Variants in ADAM32 observed in about 807,000 individuals in gnomAD.
ADAM32 encodes disintegrin and metalloproteinase domain-containing protein 32.
In ADAM32, 89 loss-of-function variants were observed where a neutral mutation model predicts 114.9. The ratio of observed to expected loss-of-function variants is 0.77; its 90% CI spans 0.65 to 0.92. The LOEUF (loss-of-function observed/expected upper bound fraction) is 0.92. Ranked by LOEUF, ADAM32 falls within the 40% of genes least tolerant of loss-of-function variation. The pLI is 0.00. For missense variants in ADAM32, 870 were observed against 932.8 expected, an observed-to-expected ratio of 0.93 and a Z score of 0.88; for synonymous variants, 285 against 307.5, an observed-to-expected ratio of 0.93 and a Z score of 0.77.
chr8:39,182,573 A>T (rs1805973010), intron 10 of ADAM32, among the ~76,000 whole-genome samples: 1 of 152,212 alleles, frequency 6.6e-6, no homozygotes, highest in African/African-American at 2.4e-5. Flanking sequence ...AATACAATTT[A>T]TCATCATTAA....
At chr8:39,185,596 G>T (rs1023918844) in intron 10 of ADAM32, among the ~76,000 whole-genome samples, 3 of 152,104 alleles carry the variant, frequency 2.0e-5, no homozygotes, top group African/African-American at 7.2e-5. Context: ...TGACCTTACT[G>T]ACAGTAGGCT....
At position 39,136,579 on chromosome 8, in the gene ADAM32, A is replaced by G. The variant is rs975958197; in HGVS notation, c.139-78A>G. On this transcript the variant is annotated intron_variant, in intron 2 of 24. Coordinates refer to ENST00000379907, the MANE Select transcript of ADAM32 (RefSeq NM_145004.7). ...AAGATGTTTTAAGCATTGTTTGGACAGATTAATTGATATAAAACTGTTGTT... is the reference window on the plus strand; with the variant it reads ...AAGATGTTTTAAGCATTGTTTGGACGGATTAATTGATATAAAACTGTTGTT... 4.6e-6 allele frequency: 4 copies of G among 872,638 alleles called. No homozygotes were observed. In the South Asian group the frequency reaches 5.2e-5, roughly 11 times the overall value. The allele number at this position is 872,638 out of a possible 1,614,324, so 54.1% of individuals were successfully genotyped here.
intron 3 of ADAM32, among the ~76,000 whole-genome samples, chr8:39,144,629 G>A (rs950857579): frequency 2.1e-5 from 3 of 145,468 alleles, no homozygotes; most frequent in Admixed American, 7.0e-5. Context: ...TAAACTCTCT[G>A]CAAATTAGGC....
chr8:39,190,931 A>G (rs1225870565), intron 11 of ADAM32, among the ~76,000 whole-genome samples: 1 of 152,028 alleles, frequency 6.6e-6, no homozygotes, highest in Non-Finnish European at 1.5e-5. Context: ...TCCACCCTCA[A>G]GTAGGACCCA....
intron 10 of ADAM32, among the ~76,000 whole-genome samples, chr8:39,170,980 C>T (rs1805149474): frequency 6.6e-6 from 1 of 152,032 alleles, no homozygotes; most frequent in African/African-American, 2.4e-5. Context: ...TTATGCCAGG[C>T]TGGAGTGCAG....
chr8:39,126,744 G>T (rs956513096), intron 2 of ADAM32, among the ~76,000 whole-genome samples: 3 of 152,118 alleles, frequency 2.0e-5, no homozygotes, highest in African/African-American at 7.2e-5. Context: ...CTTGTCTTGT[G>T]TCAGTTTGCA....
At chr8:39,109,804 C>A (rs1840080470) in intron 1 of ADAM32, among the ~76,000 whole-genome samples, 1 of 152,110 alleles carries the variant, frequency 6.6e-6, no homozygotes, top group Non-Finnish European at 1.5e-5. Context: ...ATGGTTTTGA[C>A]AAATGTACAA....
chr8:39,265,221 T>C (rs1329822649), intron 19 of ADAM32, among the ~76,000 whole-genome samples: 1 of 152,238 alleles, frequency 6.6e-6, no homozygotes, highest in Non-Finnish European at 1.5e-5. Context: ...TAAGTCTTCT[T>C]GTTGAATTGA....
At chr8:39,151,891 A>AGGTTCAAATGATCCACCC (rs1803859293) in intron 6 of ADAM32, among the ~76,000 whole-genome samples, 1 of 151,732 alleles carries the variant, frequency 6.6e-6, no homozygotes, top group Non-Finnish European at 1.5e-5. Flanking sequence ...TCAAACTCCT[A>AGGTTCAAATGATCCACCC]GGTTCAAATG....
At chr8:39,215,079 C>A (rs186884460) in intron 12 of ADAM32, among the ~76,000 whole-genome samples, 41 of 151,864 alleles carry the variant, frequency 2.7e-4, no homozygotes, top group Admixed American at 2.4e-3. Context: ...GATTAGTATA[C>A]CTCTGTAGTA....
intron 3 of ADAM32, among the ~76,000 whole-genome samples, chr8:39,137,848 C>T (rs1382385741): frequency 1.3e-5 from 2 of 150,730 alleles, no homozygotes; most frequent in Non-Finnish European, 2.9e-5. Flanking sequence ...AAAAGGTTAA[C>T]TTACTCTTTT....
rs1404628874 is a variant in ADAM32 at position 39,281,156 on chromosome 8, C to A, written c.2300C>A (p.Ala767Asp). Residue 767 changes from alanine to aspartate, a missense_variant, in exon 23 of 25, where the codon GCT becomes GAT. Transcript: ENST00000379907. ...TTTAGATCCAAATCAGAAGATAGTG[C>A]TGAAGCATATACTAGCAGGTAAGCA... ...DTSKSKSEDS[A>D]EAYTSRSKSQ... The A allele has an allele frequency of 1.5e-6, 2 of 1,369,216 alleles. No individual in the cohort carries two copies. Among genetic ancestry groups the A allele is most frequent in the Admixed American group, 2.6e-5 (1 of 37,990 alleles). The allele number at this position is 1,369,216 out of a possible 1,614,324, so 84.8% of individuals were successfully genotyped here. A position where few individuals can be genotyped will look rare whatever the true frequency, so the allele number is the denominator to read the frequency against.
chr8:39,223,918 A>G (rs1203610880), intron 14 of ADAM32: 1 of 152,084 alleles, frequency 6.6e-6, no homozygotes, highest in African/African-American at 2.4e-5. Flanking sequence ...TATCTAGCTT[A>G]TTTCACTTAG....
chr8:39,230,512 A>G (rs1470833554), intron 14 of ADAM32, among the ~76,000 whole-genome samples: 2 of 152,270 alleles, frequency 1.3e-5, no homozygotes, highest in African/African-American at 2.4e-5. Flanking sequence ...ACTAAACTGA[A>G]TTTTCAAATT....
intron 6 of ADAM32, among the ~76,000 whole-genome samples, chr8:39,155,691 A>T (rs1347227887): frequency 6.6e-6 from 1 of 152,188 alleles, no homozygotes; most frequent in Non-Finnish European, 1.5e-5. Context: ...CCTGGGCTCA[A>T]TAAAGACTTA....
At chr8:39,252,915 C>G (rs1377792389) in intron 17 of ADAM32, among the ~76,000 whole-genome samples, 1 of 151,644 alleles carries the variant, frequency 6.6e-6, no homozygotes, top group East Asian at 1.9e-4. Context: ...AATCAGTAAA[C>G]AAAACTTTCT....
chr8:39,132,929 G>A (rs77197638), intron 2 of ADAM32, among the ~76,000 whole-genome samples: 5,289 of 152,122 alleles, frequency 0.035, 114 homozygotes, highest in Non-Finnish European at 0.047. Context: ...TAAATATGAT[G>A]TATCTTGGTG....
intron 10 of ADAM32, among the ~76,000 whole-genome samples, chr8:39,184,344 A>T (rs1385534317): frequency 6.6e-6 from 1 of 152,180 alleles, no homozygotes; most frequent in African/African-American, 2.4e-5. Flanking sequence ...GTCTCACTCC[A>T]TTGGTCAGCA....
At chr8:39,160,632 T>C (rs2129445994) in intron 6 of ADAM32, among the ~76,000 whole-genome samples, 1 of 151,386 alleles carries the variant, frequency 6.6e-6, no homozygotes, top group Non-Finnish European at 1.5e-5. Flanking sequence ...ATGAAGTAGA[T>C]GGAAATGCTA....
Sources: gnomAD v4.1 joint callset for allele counts (sites outside exome capture counted in the v4.1 genomes callset) on GRCh38, gnomAD v4.1.1 for gene constraint, MANE v1.5 for transcripts, NCBI Gene and HGNC (gene_info 2026-07-23, HGNC 2026-07-21) for gene names.